Variants in CDC6 observed in about 807,000 individuals in gnomAD.
CDC6 encodes the protein cell division cycle 6, also known as DNA replication factor CDC6.
CDC6 carries 46 observed loss-of-function variants against 60.2 expected under a neutral mutation model. The observed-to-expected ratio is 0.76, with a 90% confidence interval of 0.60 to 0.98. The LOEUF is 0.98. Among genes scored for constraint, CDC6 ranks in the 50% least tolerant of loss-of-function variants. The pLI is 0.00. For synonymous variants in CDC6, 210 were observed against 233.2 expected (o/e 0.90, Z 0.90); for missense variants, 596 against 652.9 (o/e 0.91, Z 0.95).
chr17:40,292,358 C>T (rs1255572440), intron 4 of CDC6, among the ~76,000 whole-genome samples: 6 of 149,018 alleles, frequency 4.0e-5, no homozygotes, highest in Non-Finnish European at 8.9e-5. Flanking sequence ...GGGCTAGGCA[C>T]GGTGGCTCAC....
chr17:40,288,586 ATTT>A (rs1177950375), intron 1 of CDC6, among the ~76,000 whole-genome samples: 3 of 136,592 alleles, frequency 2.2e-5, no homozygotes, highest in Non-Finnish European at 1.6e-5. Flanking sequence ...CGTCCGGCTA[ATTT>A]TTTTTTTTTT....
In CDC6 at chr17:40,301,511, C is replaced by T. The variant is rs369546138; in HGVS notation, c.1496C>T (p.Ala499Val). ...AAAGTCTGTCGCAAACAGCAGGTGG[C>T]GGCTGTGGACCAGTCAGAGTGTTTG... is the stretch of plus-strand genomic sequence containing the variant. ...YSKVCRKQQV[A>V]AVDQSECLSL... The change falls in exon 11 of 12, where the codon GCG becomes GTG. Residue 499 changes from alanine to valine, a missense_variant. Coordinates refer to ENST00000209728, the MANE Select transcript of CDC6 (RefSeq NM_001254.4). The T allele has an allele frequency of 1.2e-6, 2 of 1,613,428 alleles. No individual in the cohort carries two copies. Among genetic ancestry groups the T allele is most frequent in the African/African-American group, 1.3e-5 (1 of 75,038 alleles).
chr17:40,289,035 G>T (rs972157249), intron 1 of CDC6, among the ~76,000 whole-genome samples: 1 of 152,168 alleles, frequency 6.6e-6, no homozygotes, highest in Non-Finnish European at 1.5e-5. Context: ...TCGCTCAATT[G>T]GTTAAGAACT....
At chr17:40,296,579 A>G in intron 8 of CDC6, 124 bp from the exon 9 acceptor site, 2 of 694,700 alleles carry the variant, frequency 2.9e-6, no homozygotes, top group Non-Finnish European at 5.3e-6. Context: ...ATGTTAGCCT[A>G]CATGACCATT....
Position 40,302,292 on chromosome 17 carries a change from G to A in CDC6, c.*291G>A. 1 of 400,534 alleles carries A rather than the reference G, an allele frequency of 2.5e-6. No individual in the cohort carries two copies. The highest frequency in any genetic ancestry group is 4.6e-6 in the Non-Finnish European group (1 of 218,554). 24.8% of individuals were successfully genotyped at this position (400,534 alleles called of 1,614,324 possible). On this transcript the variant is annotated 3_prime_UTR_variant, in exon 12 of 12. Transcript: ENST00000209728. ...TGCAAGTGTACAGATCTGTGTAGAGGAATGTGTGTATATTTACCTCTTCGT... is the reference window on the plus strand; with the variant it reads ...TGCAAGTGTACAGATCTGTGTAGAGAAATGTGTGTATATTTACCTCTTCGT...
rs769616780 is a variant in CDC6 at position 40,293,987 on chromosome 17, A to G, written c.874A>G (p.Lys292Glu). The G allele has an allele frequency of 6.2e-7, 1 of 1,614,142 alleles. No individual in the cohort carries two copies. The highest frequency in any genetic ancestry group is 1.7e-5 in the Admixed American group (1 of 60,022). ...VLDEMDQLDS[K>E]GQDVLYTLFE... ...GGACGAGATGGATCAACTGGACAGC[A>G]AAGGCCAGGATGTATTGTACACGCT... Residue 292 changes from lysine (K) to glutamate (E), a missense_variant, in exon 6 of 12, where the codon AAA (lysine) becomes GAA (glutamate). Lys to Glu is a moderately conservative substitution (Grantham distance 56). Coordinates refer to ENST00000209728, the MANE Select transcript of CDC6 (RefSeq NM_001254.4).
intron 2 of CDC6, 64 bp downstream of exon 2, chr17:40,289,662 GT>G: frequency 8.9e-7 from 1 of 1,129,554 alleles, no homozygotes; most frequent in Non-Finnish European, 1.3e-6. Flanking sequence ...TTGGTAAGAT[GT>G]GTGTCCTTTG....
chr17:40,292,887 G>T (rs1198283169), intron 4 of CDC6, among the ~76,000 whole-genome samples: 2 of 151,382 alleles, frequency 1.3e-5, no homozygotes, highest in Non-Finnish European at 2.9e-5. Context: ...CCGAGATCGC[G>T]CCACTGCACT....
chr17:40,296,098 G>T (rs541039706), intron 8 of CDC6, among the ~76,000 whole-genome samples: 41 of 152,326 alleles, frequency 2.7e-4, no homozygotes, highest in African/African-American at 9.9e-4. Flanking sequence ...GGAGAGAGCA[G>T]TGGGAGAGTA....
At chr17:40,295,603 G>A in intron 8 of CDC6, 147 bp downstream of exon 8, 4 of 652,190 alleles carry the variant, frequency 6.1e-6, no homozygotes, top group Non-Finnish European at 1.1e-5. Context: ...GTTTCTCAGT[G>A]GGGAGCTCTG....
In CDC6 at chr17:40,302,379, G is replaced by A. The variant is rs150799063; in HGVS notation, c.*378G>A. 5.1e-4 allele frequency: 130 copies of A among 257,412 alleles called. 1 individual carries two copies. The highest frequency in any genetic ancestry group is 2.7e-3 in the African/African-American group (117 of 43,450). 15.9% of individuals were successfully genotyped at this position (257,412 alleles called of 1,614,324 possible). A position where few individuals can be genotyped will look rare whatever the true frequency, so the allele number is the denominator to read the frequency against. On this transcript the variant is annotated 3_prime_UTR_variant, in exon 12 of 12. Transcript: ENST00000209728. ...TTTTTGTTGTTGTTGTTTTTGAGGC[G>A]CGTCTCACCCTGTTGCCCAGGCTGG...
chr17:40,299,389 C>G (rs1363969848), intron 9 of CDC6, among the ~76,000 whole-genome samples: 1 of 151,710 alleles, frequency 6.6e-6, no homozygotes, highest in Non-Finnish European at 1.5e-5. Context: ...TTCCTGAGCT[C>G]AAGCCATTAG....
At chr17:40,292,998 G>C (rs1410742138) in intron 4 of CDC6, among the ~76,000 whole-genome samples, 4 of 152,012 alleles carry the variant, frequency 2.6e-5, no homozygotes, top group Non-Finnish European at 5.9e-5. Context: ...CAACACTTTG[G>C]GAGGCTGAGG....
chr17:40,290,288 ATTCT>A (rs2032734090), intron 2 of CDC6, among the ~76,000 whole-genome samples: 1 of 152,188 alleles, frequency 6.6e-6, no homozygotes. Context: ...GTGATTGGTA[ATTCT>A]TTCTTGTTTT....
At position 40,300,958 on chromosome 17, in the gene CDC6, G is replaced by A; in HGVS notation, c.1380G>A (p.Gln460=). 6.2e-7 allele frequency: 1 copy of A among 1,614,100 alleles called. No homozygotes were observed. Among genetic ancestry groups the A allele is most frequent in the Middle Eastern group, 1.7e-4 (1 of 6,058 alleles). Residue 460 remains glutamine (Q), a synonymous_variant, in exon 10 of 12, where the codon CAG becomes CAA. Transcript: ENST00000209728. The stretch of plus-strand genomic sequence containing the variant: ...GAGCACAAGATTCCTTCCCTCTTCA[G>A]CAGAAGATCTTGGTTTGCTCTTTGA... ...QEGAQDSFPL[Q]QKILVCSLML...
intron 4 of CDC6, 73 bp downstream of exon 4, chr17:40,291,741 T>G: frequency 6.9e-7 from 1 of 1,446,468 alleles, no homozygotes; most frequent in Non-Finnish European, 9.6e-7. Context: ...TTGTTTGTTT[T>G]GTTTTGTTTT....
chr17:40,300,941 G>T lies in CDC6; in HGVS notation c.1363G>T (p.Asp455Tyr), dbSNP rs1025057902. The T allele has an allele frequency of 3.0e-5, 49 of 1,613,776 alleles. No homozygotes were observed. Among genetic ancestry groups the T allele is most frequent in the Non-Finnish European group, 4.0e-5 (47 of 1,179,776 alleles). Residue 455 changes from aspartate to tyrosine, a missense_variant, in exon 10 of 12, where the codon GAT (aspartate) becomes TAT (tyrosine). Transcript: ENST00000209728. The stretch of plus-strand genomic sequence containing the variant: ...GACCTTGAGCCAAGAAGGAGCACAA[G>T]ATTCCTTCCCTCTTCAGCAGAAGAT... ...RMTLSQEGAQDSFPLQQKILV... is the reference protein window; with the variant it reads ...RMTLSQEGAQYSFPLQQKILV...
At chr17:40,290,346 A>G (rs1210697021) in intron 2 of CDC6, among the ~76,000 whole-genome samples, 1 of 152,096 alleles carries the variant, frequency 6.6e-6, no homozygotes, top group Non-Finnish European at 1.5e-5. Flanking sequence ...TTGTTTCTGG[A>G]GACATTTTTG....
intron 7 of CDC6, 56 bp downstream of exon 7, chr17:40,294,559 A>T: frequency 6.5e-7 from 1 of 1,528,332 alleles, no homozygotes; most frequent in Non-Finnish European, 9.1e-7. Context: ...TGTGCTAGGA[A>T]AATTTAACAA....
Sources: allele counts gnomAD v4.1 joint callset (sites outside exome capture counted in the v4.1 genomes callset), GRCh38; gene constraint gnomAD v4.1.1; transcripts MANE v1.5; gene names NCBI Gene and HGNC (gene_info 2026-07-23, HGNC 2026-07-21).